MGMT: variants seen among roughly 807,000 people sequenced by gnomAD.
MGMT encodes methylated-DNA--protein-cysteine methyltransferase.
In MGMT, 14 loss-of-function variants were observed where a neutral mutation model predicts 15.9. The observed-to-expected ratio is 0.88, with a 90% CI of 0.58 to 1.37. The LOEUF (loss-of-function observed/expected upper bound fraction) is 1.37. MGMT is among the 40% of genes most tolerant of loss of function. The pLI is 0.00. For missense variants in MGMT, 282 were observed against 268.1 expected (o/e 1.05, Z -0.36); for synonymous variants, 130 against 118.2 (o/e 1.10, Z -0.65).
At chr10:129,570,775 G>A (rs989117965) in intron 2 of MGMT, among the ~76,000 whole-genome samples, 2 of 152,178 alleles carry the variant, frequency 1.3e-5, no homozygotes, top group Non-Finnish European at 2.9e-5. Context: ...TTTTCATGAG[G>A]TGTAAATTTA....
chr10:129,502,081 G>A (rs978390374), intron 1 of MGMT, among the ~76,000 whole-genome samples: 5 of 152,250 alleles, frequency 3.3e-5, no homozygotes, highest in African/African-American at 7.2e-5. Flanking sequence ...GCCCAGACCC[G>A]TAGTGGGTTT....
intron 2 of MGMT, among the ~76,000 whole-genome samples, chr10:129,645,018 C>T (rs1179607694): frequency 6.6e-6 from 1 of 151,894 alleles, no homozygotes; most frequent in Non-Finnish European, 1.5e-5. Context: ...GCACTAAGCT[C>T]AAGTCAGGGT....
At chr10:129,618,555 A>G (rs1371870962) in intron 2 of MGMT, among the ~76,000 whole-genome samples, 2 of 152,062 alleles carry the variant, frequency 1.3e-5, no homozygotes, top group African/African-American at 4.8e-5. Flanking sequence ...TTTTCATTCA[A>G]CTGCATTCAA....
rs138618387 is a variant in MGMT at position 129,740,072 on chromosome 10, C to T, written c.275-19130C>T. 8.5e-4 allele frequency among the ~76,000 whole-genome samples: 129 copies of T among 152,304 alleles called. 1 individual carries two copies. The highest frequency in any genetic ancestry group is 2.8e-3 in the African/African-American group (116 of 41,566). On this transcript the variant is annotated intron_variant, in intron 3 of 4. Coordinates refer to ENST00000651593, the MANE Select transcript of MGMT (RefSeq NM_002412.5). ...AAGGGAAATCTAAAGATGTTTAAAA[C>T]GTTGTGTATTTTCTCGTTAGCAGAG... is the stretch of plus-strand genomic sequence containing the variant.
At chr10:129,739,632 C>T (rs1228500255) in intron 3 of MGMT, among the ~76,000 whole-genome samples, 1 of 151,976 alleles carries the variant, frequency 6.6e-6, no homozygotes, top group Non-Finnish European at 1.5e-5. Context: ...AACTCCCCTA[C>T]ACCACAGTCA....
chr10:129,662,342 G>A (rs73388786), intron 2 of MGMT, among the ~76,000 whole-genome samples: 4,798 of 152,154 alleles, frequency 0.032, 264 homozygotes, highest in African/African-American at 0.11. Flanking sequence ...ATCCCAGCTC[G>A]CCTGTGACTG....
chr10:129,711,240 A>G (rs7908104), intron 3 of MGMT, among the ~76,000 whole-genome samples: 6,072 of 152,338 alleles, frequency 0.04, 426 homozygotes, highest in African/African-American at 0.14. Context: ...CTAACCACAA[A>G]AATATGCATT....
At chr10:129,585,121 A>AT (rs1460451361) in intron 2 of MGMT, among the ~76,000 whole-genome samples, 3 of 152,136 alleles carry the variant, frequency 2.0e-5, no homozygotes, top group African/African-American at 7.2e-5. Flanking sequence ...ATTTCTTCAT[A>AT]TACTCACCAA....
chr10:129,576,261 A>G (rs1363750845), intron 2 of MGMT, among the ~76,000 whole-genome samples: 1 of 152,236 alleles, frequency 6.6e-6, no homozygotes, highest in Non-Finnish European at 1.5e-5. Flanking sequence ...AATATCCTTG[A>G]TGAACATTGA....
chr10:129,748,319 C>T (rs1410361708), intron 3 of MGMT, among the ~76,000 whole-genome samples: 1 of 152,080 alleles, frequency 6.6e-6, no homozygotes, highest in Non-Finnish European at 1.5e-5. Context: ...GAGATTATCC[C>T]AGTTTTGGCC....
chr10:129,561,984 G>A lies in MGMT; in HGVS notation c.125+25607G>A, dbSNP rs552776903. Among the ~76,000 whole-genome samples the A allele has an allele frequency of 1.3e-4, 20 of 152,200 alleles. No individual in the cohort carries two copies. The South Asian group carries it at 4.1e-3, about 32-fold the overall frequency. On this transcript the variant is annotated intron_variant, in intron 2 of 4. Transcript: ENST00000651593. ...AGCTGTATAATATGGACCCTCGAACGAAATTTAAAAAGAGACCAAGCCTTC... is the reference window on the plus strand; with the variant it reads ...AGCTGTATAATATGGACCCTCGAACAAAATTTAAAAAGAGACCAAGCCTTC...
intron 3 of MGMT, among the ~76,000 whole-genome samples, chr10:129,720,278 C>T (rs1440282501): frequency 6.6e-6 from 1 of 152,220 alleles, no homozygotes; most frequent in Non-Finnish European, 1.5e-5. Context: ...TGCTGGGACT[C>T]CTGCACTCTG....
intron 2 of MGMT, among the ~76,000 whole-genome samples, chr10:129,565,606 A>C (rs1846345251): frequency 6.6e-6 from 1 of 152,182 alleles, no homozygotes; most frequent in African/African-American, 2.4e-5. Flanking sequence ...ACACCTCACT[A>C]ATTACACGGT....
At chr10:129,757,991 A>C (rs1848826753) in intron 3 of MGMT, among the ~76,000 whole-genome samples, 1 of 152,222 alleles carries the variant, frequency 6.6e-6, no homozygotes. Context: ...CACATTTGCT[A>C]TCTTTTTGCC....
chr10:129,618,026 C>T (rs977084722), intron 2 of MGMT, among the ~76,000 whole-genome samples: 4 of 152,150 alleles, frequency 2.6e-5, no homozygotes, highest in African/African-American at 9.6e-5. Flanking sequence ...GTGGGCTGCA[C>T]CACTGTCTCC....
chr10:129,557,820 T>A (rs579952), intron 2 of MGMT, among the ~76,000 whole-genome samples: 61,709 of 152,042 alleles, frequency 0.41, 13,161 homozygotes, highest in East Asian at 0.63. Context: ...AGGTTTGTAG[T>A]CAACTTTTTG....
At chr10:129,589,040 C>G (rs1846651014) in intron 2 of MGMT, among the ~76,000 whole-genome samples, 1 of 152,188 alleles carries the variant, frequency 6.6e-6, no homozygotes, top group Non-Finnish European at 1.5e-5. Context: ...TTGCATTGCT[C>G]CAGGTCTGTG....
At chr10:129,627,095 G>A (rs1007977879) in intron 2 of MGMT, among the ~76,000 whole-genome samples, 1 of 152,228 alleles carries the variant, frequency 6.6e-6, no homozygotes, top group Non-Finnish European at 1.5e-5. Context: ...TGTGGGCCGT[G>A]TGTCTCCCTT....
intron 2 of MGMT, among the ~76,000 whole-genome samples, chr10:129,575,732 C>T (rs1846473742): frequency 1.3e-5 from 2 of 151,660 alleles, no homozygotes; most frequent in African/African-American, 4.8e-5. Flanking sequence ...TTCAAAAAAT[C>T]AATGAATCCA....
Sources: allele counts gnomAD v4.1 joint callset (sites outside exome capture counted in the v4.1 genomes callset), GRCh38; gene constraint gnomAD v4.1.1; transcripts MANE v1.5; gene names NCBI Gene and HGNC (gene_info 2026-07-23, HGNC 2026-07-21).